The following SHC4 variants were observed in gnomAD, a reference collection of about 807,000 sequenced individuals.
The protein encoded by SHC4 is SHC adaptor protein 4.
In SHC4, 41 loss-of-function variants were observed where a neutral mutation model predicts 69.4. That is an observed-to-expected ratio of 0.59 (90% CI 0.46 to 0.77). The LOEUF is 0.77. Ranked by LOEUF, SHC4 falls within the 30% of genes least tolerant of loss-of-function variation. The pLI, the probability that SHC4 is intolerant of heterozygous loss-of-function variation, is 0.00. For synonymous variants in SHC4, 318 were observed against 299.3 expected, an observed-to-expected ratio of 1.06 and a Z score of -0.64; for missense variants, 777 against 783.8, an observed-to-expected ratio of 0.99 and a Z score of 0.10.
At chr15:48,859,718 C>T (rs919189126) in intron 6 of SHC4, among the ~76,000 whole-genome samples, 1 of 152,114 alleles carries the variant, frequency 6.6e-6, no homozygotes, top group Non-Finnish European at 1.5e-5. Flanking sequence ...TGCAGTGAGT[C>T]CCTGCAATGG....
intron 5 of SHC4, among the ~76,000 whole-genome samples, chr15:48,871,220 G>T (rs1050778490): frequency 6.6e-6 from 1 of 152,196 alleles, no homozygotes; most frequent in South Asian, 2.1e-4. Flanking sequence ...TAAGAACAAG[G>T]TCTGTGTATG....
At chr15:48,926,253 G>A (rs1344218781) in intron 1 of SHC4, among the ~76,000 whole-genome samples, 1 of 152,120 alleles carries the variant, frequency 6.6e-6, no homozygotes, top group African/African-American at 2.4e-5. Flanking sequence ...GTGCTTCTTT[G>A]AGAATTGCCT....
intron 1 of SHC4, among the ~76,000 whole-genome samples, chr15:48,960,708 C>T (rs769099909): frequency 1.3e-5 from 2 of 152,140 alleles, no homozygotes; most frequent in Non-Finnish European, 2.9e-5. Context: ...TCAGACATCT[C>T]GCCTGAGTGC....
chr15:48,948,018 C>T (rs1027185583), intron 1 of SHC4: 1 of 152,238 alleles, frequency 6.6e-6, no homozygotes, highest in African/African-American at 2.4e-5. Flanking sequence ...AAACCTCCAT[C>T]TCCAGAGACA....
At chr15:48,934,179 G>A (rs1399419972) in intron 1 of SHC4, among the ~76,000 whole-genome samples, 1 of 152,088 alleles carries the variant, frequency 6.6e-6, no homozygotes, top group African/African-American at 2.4e-5. Context: ...ATTTGCAAAT[G>A]ACATATCTGC....
rs138051761 is a variant in SHC4 at position 48,847,951 on chromosome 15, G to A, written c.1303+3237C>T. ...CGGGAGGCAGAGATTGCAGTGAGCC[G>A]AGATGGCGCCATTGCACTCCAGCCC... On this transcript the variant is annotated intron_variant, in intron 9 of 11. Coordinates refer to ENST00000332408, the MANE Select transcript of SHC4 (RefSeq NM_203349.4). Among the ~76,000 whole-genome samples, 302 of 147,854 alleles carry A rather than the reference G, an allele frequency of 2.0e-3. 5 individuals carry two copies. The East Asian group carries it at 0.052, about 25-fold the overall frequency.
At chr15:48,951,766 T>C (rs6493344) in intron 1 of SHC4, among the ~76,000 whole-genome samples, 143,377 of 152,266 alleles carry the variant, frequency 0.94, 67,709 homozygotes, top group East Asian at 1. Context: ...TTTCTCTAAT[T>C]ATCTCAAATG....
intron 2 of SHC4, among the ~76,000 whole-genome samples, chr15:48,908,990 C>T (rs1843569969): frequency 6.6e-6 from 1 of 152,132 alleles, no homozygotes; most frequent in South Asian, 2.1e-4. Flanking sequence ...GTGATGCCTC[C>T]AGATTTGTTC....
rs1475045508 is a variant in SHC4, at chr15:48,834,908, C to T, written c.1598G>A (p.Arg533Lys). The change falls in exon 11 of 12, where the codon AGG (arginine) becomes AAG (lysine). Residue 533 changes from arginine to lysine, a missense_variant. Transcript: ENST00000332408. ...SEECYHGKLSRKAAESLLVKD... is the reference protein window; with the variant it reads ...SEECYHGKLSKKAAESLLVKD... ...TACCAAGAGGCTCTCTGCCGCCTTC[C>T]TGCTCAGCTTGCCATGATAGCATTC... 1 of 1,613,994 alleles carries T rather than the reference C, an allele frequency of 6.2e-7. No individual in the cohort carries two copies. Among genetic ancestry groups the T allele is most frequent in the East Asian group, 2.2e-5 (1 of 44,860 alleles).
chr15:48,833,887 C>A (rs1201450857), intron 11 of SHC4, among the ~76,000 whole-genome samples: 1 of 152,202 alleles, frequency 6.6e-6, no homozygotes, highest in Admixed American at 6.5e-5. Flanking sequence ...CTATGCTCAC[C>A]TGAGGTACTG....
intron 11 of SHC4, among the ~76,000 whole-genome samples, chr15:48,830,200 A>T (rs185599853): frequency 1.3e-5 from 2 of 151,990 alleles, no homozygotes; most frequent in Non-Finnish European, 2.9e-5. Context: ...TGTTTTGTGT[A>T]TCTTCTAGAA....
intron 11 of SHC4, among the ~76,000 whole-genome samples, chr15:48,830,965 T>A (rs979261930): frequency 3.9e-5 from 6 of 152,162 alleles, no homozygotes; most frequent in Non-Finnish European, 8.8e-5. Flanking sequence ...TAGAAGACAG[T>A]GATATTGATG....
At chr15:48,950,205 G>A (rs1354313747) in intron 1 of SHC4, among the ~76,000 whole-genome samples, 4 of 139,014 alleles carry the variant, frequency 2.9e-5, no homozygotes, top group Admixed American at 1.4e-4. Context: ...TTATATAATT[G>A]TATTTATATT....
chr15:48,915,335 G>T (rs1900599644), intron 2 of SHC4, among the ~76,000 whole-genome samples: 1 of 152,148 alleles, frequency 6.6e-6, no homozygotes, highest in East Asian at 1.9e-4. Flanking sequence ...ATTCCCAATT[G>T]ATTGGAATTT....
chr15:48,962,710 C>T lies in SHC4; in HGVS notation c.306G>A (p.Leu102=). 1 of 1,614,086 alleles carries T rather than the reference C, an allele frequency of 6.2e-7. No individual in the cohort carries two copies. The highest frequency in any genetic ancestry group is 1.7e-5 in the Admixed American group (1 of 60,020). The change falls in exon 1 of 12, where the codon CTG becomes CTA. Residue 102 remains leucine (L), a synonymous_variant. Coordinates refer to ENST00000332408, the MANE Select transcript of SHC4 (RefSeq NM_203349.4). ...SMKLANPATL[L]SLKNFCLGTK... ...TACCCAGGCAAAAGTTTTTCAGACT[C>T]AGCAAAGTGGCCGGGTTGGCCAGCT...
chr15:48,862,345 TG>T (rs886881538), intron 6 of SHC4, among the ~76,000 whole-genome samples: 12 of 152,150 alleles, frequency 7.9e-5, no homozygotes, highest in African/African-American at 2.9e-4. Flanking sequence ...TAAGACAATG[TG>T]GATTTCCTCA....
intron 6 of SHC4, among the ~76,000 whole-genome samples, chr15:48,861,069 A>G (rs907396475): frequency 1.3e-5 from 2 of 152,230 alleles, no homozygotes; most frequent in Non-Finnish European, 2.9e-5. Flanking sequence ...GGTCCTGTTC[A>G]TAGGCTGATG....
chr15:48,873,973 A>G (rs1245151710), intron 4 of SHC4, among the ~76,000 whole-genome samples: 2 of 152,228 alleles, frequency 1.3e-5, no homozygotes, highest in African/African-American at 4.8e-5. Flanking sequence ...TATAAATTCC[A>G]TGCAATTCCA....
In SHC4 at chr15:48,936,574, T is replaced by G. The variant is rs118185294; in HGVS notation, c.586-11625A>C. On this transcript the variant is annotated intron_variant, in intron 1 of 11. Coordinates refer to ENST00000332408, the MANE Select transcript of SHC4 (RefSeq NM_203349.4). ...GAACCAAGCTTGTGCCTGCTTCCCC[T>G]TTGCCTTCCACCATGATTGTAAGTT... 1.1e-3 allele frequency among the ~76,000 whole-genome samples: 173 copies of G among 152,300 alleles called. 1 individual carries two copies. In the East Asian group the frequency reaches 0.03, roughly 26 times the overall value.
Sources: gnomAD v4.1 joint callset for allele counts (sites outside exome capture counted in the v4.1 genomes callset) on GRCh38, gnomAD v4.1.1 for gene constraint, MANE v1.5 for transcripts, NCBI Gene and HGNC (gene_info 2026-07-23, HGNC 2026-07-21) for gene names.